Variants in GTF2A1L observed in about 807,000 individuals in gnomAD.
The protein encoded by GTF2A1L is general transcription factor IIA subunit 1 like.
Under a neutral mutation model 49.7 loss-of-function variants are expected in GTF2A1L, and 48 were observed. That is an observed-to-expected ratio of 0.97 (90% CI 0.77 to 1.23). GTF2A1L has a LOEUF of 1.23. Among genes scored for constraint, GTF2A1L ranks in the 50% most tolerant of loss-of-function variants. The probability of loss-of-function intolerance (pLI) is 0.00; values close to 1 mark genes in which losing one functional copy is unlikely to be tolerated. For synonymous variants in GTF2A1L, 246 were observed against 193.5 expected (o/e 1.27, Z -2.25); for missense variants, 736 against 564.8 (o/e 1.30, Z -3.07).
intron 8 of GTF2A1L, among the ~76,000 whole-genome samples, chr2:48,672,391 C>T (rs986986778): frequency 3.3e-5 from 5 of 152,082 alleles, no homozygotes; most frequent in African/African-American, 1.2e-4. Context: ...TAGGAAAAAT[C>T]TGAACTTGGT....
chr2:48,622,420 A>G (rs574945849), intron 3 of GTF2A1L, among the ~76,000 whole-genome samples: 15 of 152,158 alleles, frequency 9.9e-5, no homozygotes, highest in Admixed American at 6.5e-5. Context: ...CTACTATTTC[A>G]TTGGGACATC....
At chr2:48,652,241 G>GA (rs1677890224) in intron 6 of GTF2A1L, among the ~76,000 whole-genome samples, 1 of 152,140 alleles carries the variant, frequency 6.6e-6, no homozygotes, top group Non-Finnish European at 1.5e-5. Context: ...ATCCTTGTCT[G>GA]GCAAGGTAAC....
At chr2:48,625,218 A>C (rs964180876) in intron 3 of GTF2A1L, among the ~76,000 whole-genome samples, 6 of 143,108 alleles carry the variant, frequency 4.2e-5, no homozygotes, top group African/African-American at 1.2e-4. Flanking sequence ...TCTCACCAAC[A>C]CTTGTCGTCT....
intron 4 of GTF2A1L, among the ~76,000 whole-genome samples, chr2:48,644,826 A>G (rs149703179): frequency 6.3e-4 from 96 of 152,322 alleles, no homozygotes; most frequent in African/African-American, 2.3e-3. Flanking sequence ...ATTGCTAATA[A>G]CTGTAGAATA....
intron 3 of GTF2A1L, among the ~76,000 whole-genome samples, chr2:48,632,000 T>C (rs908928328): frequency 1.3e-5 from 2 of 152,212 alleles, no homozygotes; most frequent in Non-Finnish European, 2.9e-5. Context: ...GTTTTTGTTT[T>C]TGTTGTTGTT....
intron 6 of GTF2A1L, among the ~76,000 whole-genome samples, chr2:48,656,410 A>G (rs1341692434): frequency 8.6e-6 from 1 of 116,168 alleles, no homozygotes; most frequent in Non-Finnish European, 1.8e-5. Flanking sequence ...TTGAAGTGGT[A>G]TCTTGTAGTT....
intron 4 of GTF2A1L, among the ~76,000 whole-genome samples, chr2:48,643,048 G>A (rs891872732): frequency 2.0e-5 from 3 of 151,926 alleles, no homozygotes; most frequent in African/African-American, 7.3e-5. Context: ...TGTTGTATGG[G>A]GTTTTAATAC....
chr2:48,654,430 G>A (rs1451820178), intron 6 of GTF2A1L, among the ~76,000 whole-genome samples: 1 of 151,766 alleles, frequency 6.6e-6, no homozygotes, highest in African/African-American at 2.4e-5. Flanking sequence ...ACAGAGTCTC[G>A]CTCTGTCGCC....
At chr2:48,639,231 C>G (rs901946434) in intron 3 of GTF2A1L, among the ~76,000 whole-genome samples, 4 of 152,120 alleles carry the variant, frequency 2.6e-5, no homozygotes, top group South Asian at 4.1e-4. Context: ...AACAAAGAAC[C>G]TGAATAGCCA....
At chr2:48,669,430 AAT>A (rs1460727334) in intron 6 of GTF2A1L, among the ~76,000 whole-genome samples, 4 of 152,208 alleles carry the variant, frequency 2.6e-5, no homozygotes, top group South Asian at 2.1e-4. Flanking sequence ...GTACTATATA[AAT>A]TTAAGACGGT....
chr2:48,672,903 A>T (rs1679249685), intron 8 of GTF2A1L, among the ~76,000 whole-genome samples: 1 of 152,206 alleles, frequency 6.6e-6, no homozygotes, highest in East Asian at 1.9e-4. Flanking sequence ...CCTCAAAAAG[A>T]AACCCCATAC....
At position 48,647,052 on chromosome 2, in the gene GTF2A1L, T is replaced by A; in HGVS notation, c.978+10T>A. ...ACCTGTATCAGAGAAGGTATAGTTC[T>A]GTGTCCAACTTCTTGGTATCAGGGG... On this transcript the variant is annotated intron_variant, in intron 6 of 8. Transcript: ENST00000403751. 6.4e-7 allele frequency: 1 copy of A among 1,565,126 alleles called. No individual in the cohort carries two copies. Among genetic ancestry groups the A allele is most frequent in the Non-Finnish European group, 8.6e-7 (1 of 1,156,794 alleles).
At chr2:48,640,236 G>A (rs1018151607) in intron 3 of GTF2A1L, among the ~76,000 whole-genome samples, 4 of 152,032 alleles carry the variant, frequency 2.6e-5, no homozygotes, top group Admixed American at 1.3e-4. Context: ...CCATAAAGAC[G>A]CATGCGAATG....
chr2:48,650,770 C>A (rs1225195710), intron 6 of GTF2A1L, among the ~76,000 whole-genome samples: 1 of 151,998 alleles, frequency 6.6e-6, no homozygotes, highest in East Asian at 1.9e-4. Flanking sequence ...AGTGGAGTGG[C>A]ATGGGATGCT....
In GTF2A1L at chr2:48,620,805, A is replaced by ATAAATAAG. The variant is rs1483814980; in HGVS notation, c.22-39_22-38insGTAAATAA. On this transcript the variant is annotated intron_variant, in intron 1 of 8. Transcript: ENST00000403751. The stretch of plus-strand genomic sequence containing the variant: ...AATAAATAAATAAATAAATAAATAA[A>ATAAATAAG]TAAATAAATAAATAAAATGAAACTT... 3 of 1,038,226 alleles carry ATAAATAAG rather than the reference A, an allele frequency of 2.9e-6. No individual in the cohort carries two copies. The African/African-American group carries it at 5.1e-5, about 18-fold the overall frequency. 64.3% of individuals were successfully genotyped at this position (1,038,226 alleles called of 1,614,324 possible).
chr2:48,651,375 C>T (rs568558217), intron 6 of GTF2A1L, among the ~76,000 whole-genome samples: 2 of 151,342 alleles, frequency 1.3e-5, no homozygotes, highest in Non-Finnish European at 2.9e-5. Flanking sequence ...GGGCTGCCAA[C>T]ATCTGATTTT....
chr2:48,655,952 C>A (rs1678145890), intron 6 of GTF2A1L, among the ~76,000 whole-genome samples: 1 of 152,140 alleles, frequency 6.6e-6, no homozygotes, highest in South Asian at 2.1e-4. Context: ...CAGTACTTGC[C>A]CTTCTTCATT....
chr2:48,638,971 G>T (rs1677054491), intron 3 of GTF2A1L, among the ~76,000 whole-genome samples: 1 of 151,462 alleles, frequency 6.6e-6, no homozygotes, highest in South Asian at 2.1e-4. Flanking sequence ...AAAAGAATAA[G>T]ACACCTAGCA....
chr2:48,672,110 T>A (rs1328649070), intron 8 of GTF2A1L, among the ~76,000 whole-genome samples: 1 of 152,216 alleles, frequency 6.6e-6, no homozygotes, highest in East Asian at 1.9e-4. Flanking sequence ...AGAAATCATT[T>A]GTAGTTGGAG....
Sources: gnomAD v4.1 joint callset for allele counts (sites outside exome capture counted in the v4.1 genomes callset) on GRCh38, gnomAD v4.1.1 for gene constraint, MANE v1.5 for transcripts, NCBI Gene and HGNC (gene_info 2026-07-23, HGNC 2026-07-21) for gene names.